ANO8: variants seen among roughly 807,000 people sequenced by gnomAD.
ANO8 encodes anoctamin 8.
A neutral mutation model predicts 120.4 loss-of-function variants in ANO8; 67 were observed. The ratio of observed to expected loss-of-function variants is 0.56; its 90% CI spans 0.46 to 0.68. The LOEUF (loss-of-function observed/expected upper bound fraction) is 0.68, where lower values mean the gene tolerates loss of function less well. Ranked by LOEUF, ANO8 falls within the 30% of genes least tolerant of loss-of-function variation. ANO8 has a pLI of 0.00. For synonymous variants in ANO8, 727 were observed against 759.2 expected (o/e 0.96, Z 0.70); for missense variants, 1,526 against 1,737.6 (o/e 0.88, Z 2.16).
chr19:17,330,006 G>A lies in ANO8; in HGVS notation c.1282C>T (p.Arg428Trp), dbSNP rs1324050118. ...TGCTTCTCATAGGCGCTCTCCAGCC[G>A]GTAATTTTCTAGGGGCCAAGGGGGG... ...AIWLNDMENY[R>W]LESAYEKHLI... The change falls in exon 11 of 18, where the codon CGG becomes TGG. Residue 428 changes from arginine to tryptophan, a missense_variant. By Grantham distance (101) the Arg-to-Trp change is moderately radical. This residue lies in a region of ANO8 where 23 missense variants were observed against 53.3 expected (regional missense o/e 0.43). Coordinates refer to ENST00000159087, the MANE Select transcript of ANO8 (RefSeq NM_020959.3). 1.9e-6 allele frequency: 3 copies of A among 1,613,776 alleles called. No individual in the cohort carries two copies. Among genetic ancestry groups the A allele is most frequent in the Middle Eastern group, 1.6e-4 (1 of 6,084 alleles).
chr19:17,330,250 T>A lies in ANO8; in HGVS notation c.1148A>T (p.Glu383Val), dbSNP rs755495019. 1.2e-6 allele frequency: 2 copies of A among 1,613,828 alleles called. No homozygotes were observed. The highest frequency in any genetic ancestry group is 1.7e-6 in the Non-Finnish European group (2 of 1,179,984). The change falls in exon 10 of 18, where the codon GAG becomes GTG. Residue 383 changes from glutamate (E) to valine (V), a missense_variant and splice_region_variant. Coordinates refer to ENST00000159087, the MANE Select transcript of ANO8 (RefSeq NM_020959.3). ...LLMLGCFQLQELVLSVKGLPR... is the reference protein window; with the variant it reads ...LLMLGCFQLQVLVLSVKGLPR... Reference sequence around the variant, plus strand: ...CAACCCCTTCACGCTCAGCACCAGCTCCTGCGGGAGAAGGGGGTTCAGGGC... The same window carrying A: ...CAACCCCTTCACGCTCAGCACCAGCACCTGCGGGAGAAGGGGGTTCAGGGC...
Position 17,323,389 on chromosome 19 carries a change from G to T in ANO8, c.*128C>A. On this transcript the variant is annotated 3_prime_UTR_variant, in exon 18 of 18. Transcript: ENST00000159087. ...TTTCCTTTCGTTTGGAAAGGAAAAC[G>T]GCAGATGGGGGGCACCGACCAATAC... The T allele has an allele frequency of 1.2e-6, 1 of 834,304 alleles. No homozygotes were observed. 51.7% of individuals were successfully genotyped at this position (834,304 alleles called of 1,614,324 possible). A position where few individuals can be genotyped will look rare whatever the true frequency, so the allele number is the denominator to read the frequency against.
chr19:17,324,678 C>T (rs753953752), intron 17 of ANO8, 39 bp downstream of exon 17: 22 of 1,514,016 alleles, frequency 1.5e-5, no homozygotes, highest in Non-Finnish European at 1.3e-5. Flanking sequence ...ATCCCCAAAG[C>T]CGGCCCGGCG....
intron 12 of ANO8, chr19:17,329,353 A>C: frequency 2.9e-6 from 1 of 342,102 alleles, no homozygotes; most frequent in Non-Finnish European, 5.4e-6. Context: ...CCAGGCCCCC[A>C]GCACAGCCAC....
At position 17,323,781 on chromosome 19, in the gene ANO8, G is replaced by A; in HGVS notation, c.3435C>T (p.Pro1145=). ...PMPLPRPPTP[P]AGCWQWDGPW... is the part of the protein sequence containing the mutation. ...GCCCGTCCCACTGCCAGCAGCCTGC[G>A]GGCGGTGTCGGGGGCCGGGGCAGCG... The change falls in exon 18 of 18, where the codon CCC becomes CCT. Residue 1145 remains proline (P), a synonymous_variant. Coordinates refer to ENST00000159087, the MANE Select transcript of ANO8 (RefSeq NM_020959.3). 1 of 1,165,626 alleles carries A rather than the reference G, an allele frequency of 8.6e-7. No individual in the cohort carries two copies. Among genetic ancestry groups the A allele is most frequent in the Non-Finnish European group, 1.1e-6 (1 of 944,698 alleles). 72.2% of individuals were successfully genotyped at this position (1,165,626 alleles called of 1,614,324 possible).
chr19:17,334,219 G>A (rs2074343144), intron 1 of ANO8, among the ~76,000 whole-genome samples: 1 of 152,242 alleles, frequency 6.6e-6, no homozygotes, highest in South Asian at 2.1e-4. Context: ...AGGTCACACA[G>A]TCAAGCTGGG....
At chr19:17,329,398 A>C in intron 12 of ANO8, 1 of 372,990 alleles carries the variant, frequency 2.7e-6, no homozygotes, top group Non-Finnish European at 4.9e-6. Flanking sequence ...CGGGCTCGCC[A>C]CCTGCCCGTA....
At chr19:17,330,307 G>A in intron 9 of ANO8, 45 bp downstream of exon 9, 3 of 1,612,894 alleles carry the variant, frequency 1.9e-6, no homozygotes, top group Non-Finnish European at 2.5e-6. Flanking sequence ...GCCCAAGGTG[G>A]AGCTAGGTAC....
Position 17,331,393 on chromosome 19 carries a change from C to G in ANO8, c.605G>C (p.Arg202Pro). 1 of 1,613,786 alleles carries G rather than the reference C, an allele frequency of 6.2e-7. No individual in the cohort carries two copies. The highest frequency in any genetic ancestry group is 8.5e-7 in the Non-Finnish European group (1 of 1,179,990). ...DQPIIPELAA[R>P]GIIQQVFPVH... Reference sequence around the variant, plus strand: ...AGGGAACACCTGCTGGATGATCCCACGTGCTGCCAGCTCCGGGACTGTGGA... The same window carrying G: ...AGGGAACACCTGCTGGATGATCCCAGGTGCTGCCAGCTCCGGGACTGTGGA... Residue 202 changes from arginine to proline, a missense_variant, in exon 6 of 18, where the codon CGT (arginine) becomes CCT (proline). By Grantham distance (103) the Arg-to-Pro change is moderately radical. Coordinates refer to ENST00000159087, the MANE Select transcript of ANO8 (RefSeq NM_020959.3).
At chr19:17,329,924 G>A (rs781503136) in intron 11 of ANO8, 35 bp downstream of exon 11, 6 of 1,613,824 alleles carry the variant, frequency 3.7e-6, no homozygotes, top group South Asian at 1.1e-5. Context: ...CAGCTTCCCC[G>A]TTGTCCCCCT....
Position 17,333,306 on chromosome 19 carries a change from G to A in ANO8, c.351-67C>T. ...GGCCCACCATCCTGGAGCTGAGGAT[G>A]GTGCACCTGGCAGCCTTTGGGACAA... is the stretch of plus-strand genomic sequence containing the variant. On this transcript the variant is annotated intron_variant, in intron 3 of 17. Transcript: ENST00000159087. The surrounding 1 kb of genome is among the most constrained non-coding windows in gnomAD (Gnocchi z 7.2). The A allele has an allele frequency of 6.2e-7, 1 of 1,601,472 alleles. No homozygotes were observed. Among genetic ancestry groups the A allele is most frequent in the South Asian group, 1.1e-5 (1 of 90,496 alleles).
At chr19:17,328,023 C>A (rs1252388292) in intron 13 of ANO8, 139 bp downstream of exon 13, 10 of 1,363,902 alleles carry the variant, frequency 7.3e-6, no homozygotes, top group East Asian at 2.5e-5. Flanking sequence ...CTGTATCTGG[C>A]TAGGCCTTCC....
intron 5 of ANO8, 136 bp downstream of exon 5, chr19:17,332,794 G>T: frequency 1.1e-6 from 1 of 918,186 alleles, no homozygotes; most frequent in Non-Finnish European, 1.7e-6. Flanking sequence ...CACCCCTTTA[G>T]CTCATTGGTT....
intron 1 of ANO8, 21 bp downstream of exon 1, chr19:17,334,544 G>A: frequency 1.3e-6 from 2 of 1,533,706 alleles, no homozygotes; most frequent in Non-Finnish European, 1.7e-6. Flanking sequence ...ACCCTGTCTG[G>A]TCCAGCCGCC....
Position 17,328,203 on chromosome 19 carries a change from G to T in ANO8, c.2185C>A (p.Leu729Ile). 6.3e-7 allele frequency: 1 copy of T among 1,579,974 alleles called. No individual in the cohort carries two copies. ...DPPEEEHSPQ[L>I]TQAELESCMK... Reference sequence around the variant, plus strand: ...CAGCTCTCCAGCTCTGCCTGGGTGAGCTGGGGCGAGTGTTCCTCCTCCGGC... The same window carrying T: ...CAGCTCTCCAGCTCTGCCTGGGTGATCTGGGGCGAGTGTTCCTCCTCCGGC... The change falls in exon 13 of 18, where the codon CTC (leucine) becomes ATC (isoleucine). Residue 729 changes from leucine (L) to isoleucine (I), a missense_variant. Leu to Ile is a conservative substitution (Grantham distance 5, BLOSUM62 2). Coordinates refer to ENST00000159087, the MANE Select transcript of ANO8 (RefSeq NM_020959.3).
Position 17,324,778 on chromosome 19 carries a change from C to G in ANO8, c.3270G>C (p.Gly1090=), listed in dbSNP as rs1238409460. The part of the protein sequence containing the change: ...SSGSSRVQRS[G]PVDEALAEEL... Reference sequence around the variant, plus strand: ...CCTCAGCCAGGGCCTCGTCCACCGGCCCACTCCTCTGAACCCGGCTGCTGC... The same window carrying G: ...CCTCAGCCAGGGCCTCGTCCACCGGGCCACTCCTCTGAACCCGGCTGCTGC... The change falls in exon 17 of 18, where the codon GGG becomes GGC. Residue 1090 remains glycine (G), a synonymous_variant. Coordinates refer to ENST00000159087, the MANE Select transcript of ANO8 (RefSeq NM_020959.3). 1 of 1,568,840 alleles carries G rather than the reference C, an allele frequency of 6.4e-7. No individual in the cohort carries two copies. Among genetic ancestry groups the G allele is most frequent in the South Asian group, 1.2e-5 (1 of 84,610 alleles).
chr19:17,334,485 C>A lies in ANO8; in HGVS notation c.106+80G>T, dbSNP rs901443938. ...GACACCACGCCAGGTTACGTTTGAC[C>A]CTGATCCTCCTCCCCGTGTAGTTGA... is the stretch of plus-strand genomic sequence containing the variant. On this transcript the variant is annotated intron_variant, in intron 1 of 17. Coordinates refer to ENST00000159087, the MANE Select transcript of ANO8 (RefSeq NM_020959.3). 6 of 1,257,836 alleles carry A rather than the reference C, an allele frequency of 4.8e-6. No homozygotes were observed. The African/African-American group carries it at 9.4e-5, about 20-fold the overall frequency. 77.9% of individuals were successfully genotyped at this position (1,257,836 alleles called of 1,614,324 possible). A position where few individuals can be genotyped will look rare whatever the true frequency, so the allele number is the denominator to read the frequency against.
At chr19:17,332,227 G>C (rs1039195075) in intron 5 of ANO8, among the ~76,000 whole-genome samples, 5 of 147,094 alleles carry the variant, frequency 3.4e-5, no homozygotes, top group Non-Finnish European at 7.5e-5. Context: ...CAGCCACCGC[G>C]CCCGGCCTTA....
rs1198748291 is a variant in ANO8 at position 17,325,134 on chromosome 19, G to A, written c.2914C>T (p.Pro972Ser). 6.2e-7 allele frequency: 1 copy of A among 1,613,682 alleles called. No homozygotes were observed. Among genetic ancestry groups the A allele is most frequent in the South Asian group, 1.1e-5 (1 of 91,074 alleles). The change falls in exon 17 of 18, where the codon CCC becomes TCC. Residue 972 changes from proline (P) to serine (S), a missense_variant. By Grantham distance (74) the Pro-to-Ser change is moderately conservative. Coordinates refer to ENST00000159087, the MANE Select transcript of ANO8 (RefSeq NM_020959.3). ...RPKRPGSLLAPNNVMKLKQII... is the reference protein window; with the variant it reads ...RPKRPGSLLASNNVMKLKQII... ...TGCTTCAACTTCATGACGTTGTTGG[G>A]TGCCAGCAGGGACCCTGGGCGCTTG...
Sources: gnomAD v4.1 joint callset for allele counts (sites outside exome capture counted in the v4.1 genomes callset) on GRCh38, gnomAD v4.1.1 for gene constraint, gnomAD v4.1.1 regional missense constraint, Gnocchi (gnomAD v3.1) non-coding constraint, MANE v1.5 for transcripts, NCBI Gene and HGNC (gene_info 2026-07-23, HGNC 2026-07-21) for gene names.